The following KCNIP1 variants were observed in gnomAD, a reference collection of about 807,000 sequenced individuals.
The protein encoded by KCNIP1 is potassium voltage-gated channel interacting protein 1.
Under a neutral mutation model 33.0 loss-of-function variants are expected in KCNIP1, and 18 were observed. The observed-to-expected ratio is 0.55, with a 90% CI of 0.38 to 0.81. The LOEUF is 0.81. KCNIP1 is among the 30% of genes least tolerant of loss of function. The pLI, the probability that KCNIP1 is intolerant of heterozygous loss-of-function variation, is 0.00. For missense variants in KCNIP1, 238 were observed against 271.6 expected, an observed-to-expected ratio of 0.88 and a Z score of 0.87; for synonymous variants, 93 against 98.3, an observed-to-expected ratio of 0.95 and a Z score of 0.32.
chr5:170,723,932 G>A (rs987631693), intron 5 of KCNIP1, among the ~76,000 whole-genome samples: 9 of 152,198 alleles, frequency 5.9e-5, no homozygotes, highest in African/African-American at 2.2e-4. Flanking sequence ...AAAGGCTTCA[G>A]ATGGCTGCAG....
chr5:170,396,708 AC>A (rs1754770557), intron 1 of KCNIP1, among the ~76,000 whole-genome samples: 1 of 152,228 alleles, frequency 6.6e-6, no homozygotes, highest in Non-Finnish European at 1.5e-5. Flanking sequence ...AGAAAGAACC[AC>A]GAAGGGGGGT....
chr5:170,679,817 C>A (rs1041471600), intron 1 of KCNIP1, among the ~76,000 whole-genome samples: 4 of 151,846 alleles, frequency 2.6e-5, no homozygotes, highest in African/African-American at 9.7e-5. Flanking sequence ...CATGGTACTC[C>A]TTTTATGTAT....
intron 1 of KCNIP1, among the ~76,000 whole-genome samples, chr5:170,618,480 AAGGAAGGAAGGGAGGGAGGGAGGAAAGG>A (rs1458156490): frequency 3.9e-4 from 48 of 122,748 alleles, no homozygotes; most frequent in African/African-American, 1.5e-3. Context: ...GGAAAGAAGG[AAGGAAGGAAGGGAGGGAGGGAGGAAAGG>A]AGGAAGGAAG....
intron 1 of KCNIP1, among the ~76,000 whole-genome samples, chr5:170,427,400 A>G (rs1755638858): frequency 6.6e-6 from 1 of 152,134 alleles, no homozygotes; most frequent in Admixed American, 6.5e-5. Context: ...AGCTACAACC[A>G]TCTCATCTAA....
intron 1 of KCNIP1, among the ~76,000 whole-genome samples, chr5:170,421,101 C>G (rs1017090326): frequency 6.6e-6 from 1 of 152,098 alleles, no homozygotes; most frequent in Non-Finnish European, 1.5e-5. Context: ...ATCAGCTCCC[C>G]GGAAAGAGCT....
At chr5:170,627,106 C>T (rs1759861395) in intron 1 of KCNIP1, among the ~76,000 whole-genome samples, 2 of 152,142 alleles carry the variant, frequency 1.3e-5, no homozygotes, top group Admixed American at 1.3e-4. Flanking sequence ...ATGCATCCCT[C>T]CCCCACGTTT....
At chr5:170,628,509 G>C (rs1214459005) in intron 1 of KCNIP1, among the ~76,000 whole-genome samples, 2 of 152,046 alleles carry the variant, frequency 1.3e-5, no homozygotes, top group South Asian at 4.1e-4. Flanking sequence ...TGCGTTTCTG[G>C]CCATAATCAT....
chr5:170,640,037 C>G (rs935193374), intron 1 of KCNIP1, among the ~76,000 whole-genome samples: 1 of 152,204 alleles, frequency 6.6e-6, no homozygotes. Context: ...AACCATGGAG[C>G]ACCACCCTTC....
intron 1 of KCNIP1, among the ~76,000 whole-genome samples, chr5:170,367,524 G>A (rs910414943): frequency 6.6e-6 from 1 of 152,108 alleles, no homozygotes; most frequent in African/African-American, 2.4e-5. Context: ...ACAAATGGAT[G>A]GATTGATGGA....
At chr5:170,728,643 A>G (rs1275989782) in intron 5 of KCNIP1, among the ~76,000 whole-genome samples, 1 of 152,176 alleles carries the variant, frequency 6.6e-6, no homozygotes, top group African/African-American at 2.4e-5. Flanking sequence ...GATGAAGAGA[A>G]AGAAAATTTT....
chr5:170,408,647 T>C (rs1387599632), intron 1 of KCNIP1, among the ~76,000 whole-genome samples: 1 of 152,070 alleles, frequency 6.6e-6, no homozygotes, highest in Admixed American at 6.5e-5. Flanking sequence ...ATAGTTTGAG[T>C]GAAATGAAGG....
chr5:170,631,467 G>A (rs1409282331), intron 1 of KCNIP1, among the ~76,000 whole-genome samples: 2 of 152,176 alleles, frequency 1.3e-5, no homozygotes, highest in African/African-American at 2.4e-5. Flanking sequence ...CATTTCAAAC[G>A]CTTTTTGAAA....
intron 1 of KCNIP1, among the ~76,000 whole-genome samples, chr5:170,708,732 C>CA (rs906770606): frequency 5.3e-5 from 8 of 152,034 alleles, no homozygotes; most frequent in African/African-American, 1.2e-4. Context: ...CTCATCTCCA[C>CA]AAAAAAGTAC....
intron 1 of KCNIP1, among the ~76,000 whole-genome samples, chr5:170,642,734 G>C (rs1357852073): frequency 6.6e-6 from 1 of 152,206 alleles, no homozygotes; most frequent in Non-Finnish European, 1.5e-5. Flanking sequence ...GGAGGGCTGA[G>C]GGCTAAGGGT....
intron 1 of KCNIP1, among the ~76,000 whole-genome samples, chr5:170,567,553 T>TG (rs1464094944): frequency 6.6e-6 from 1 of 152,180 alleles, no homozygotes; most frequent in East Asian, 1.9e-4. Context: ...TCAGACGGGC[T>TG]GGGCTCTAAC....
chr5:170,704,976 C>T (rs970203223), intron 1 of KCNIP1, among the ~76,000 whole-genome samples: 11 of 152,250 alleles, frequency 7.2e-5, no homozygotes, highest in Admixed American at 7.2e-4. Flanking sequence ...TGATTGCTCC[C>T]GGGCTCTCTG....
chr5:170,519,500 C>T (rs1314634049), intron 1 of KCNIP1, among the ~76,000 whole-genome samples: 1 of 152,164 alleles, frequency 6.6e-6, no homozygotes, highest in Non-Finnish European at 1.5e-5. Context: ...TCTGCTGAGC[C>T]TTACTGTCTT....
chr5:170,470,344 C>A (rs1036583589), intron 1 of KCNIP1, among the ~76,000 whole-genome samples: 2 of 152,074 alleles, frequency 1.3e-5, no homozygotes, highest in Admixed American at 6.5e-5. Context: ...AATCAACATG[C>A]CTGTAACAGA....
intron 1 of KCNIP1, among the ~76,000 whole-genome samples, chr5:170,667,118 C>T (rs2113761126): frequency 6.6e-6 from 1 of 152,160 alleles, no homozygotes; most frequent in Admixed American, 6.5e-5. Context: ...TTGAAACCGG[C>T]CTGACCAATG....
Sources: allele counts gnomAD v4.1 joint callset (sites outside exome capture counted in the v4.1 genomes callset), GRCh38; gene constraint gnomAD v4.1.1; transcripts MANE v1.5; gene names NCBI Gene and HGNC (gene_info 2026-07-23, HGNC 2026-07-21).